The following ZC2HC1C variants were observed in gnomAD, a reference collection of about 807,000 sequenced individuals.
The protein encoded by ZC2HC1C is zinc finger C2HC-type containing 1C, also known as zinc finger C2HC domain-containing protein 1C.
Under a neutral mutation model 39.2 loss-of-function variants are expected in ZC2HC1C, and 25 were observed. The observed-to-expected ratio is 0.64, with a 90% CI of 0.47 to 0.89. ZC2HC1C has a LOEUF of 0.89. Ranked by LOEUF, ZC2HC1C falls within the 40% of genes least tolerant of loss-of-function variation. The probability of loss-of-function intolerance (pLI) is 0.00; values close to 1 mark genes in which losing one functional copy is unlikely to be tolerated. For missense variants in ZC2HC1C, 519 were observed against 548.6 expected, an observed-to-expected ratio of 0.95 and a Z score of 0.54; for synonymous variants, 209 against 214.4, an observed-to-expected ratio of 0.97 and a Z score of 0.22.
chr14:75,077,681 C>G lies in ZC2HC1C; in HGVS notation c.*117C>G. 1.2e-5 allele frequency: 15 copies of G among 1,278,262 alleles called. No individual in the cohort carries two copies. Among genetic ancestry groups the G allele is most frequent in the Non-Finnish European group, 1.6e-5 (14 of 899,476 alleles). 79.2% of individuals were successfully genotyped at this position (1,278,262 alleles called of 1,614,324 possible). On this transcript the variant is annotated 3_prime_UTR_variant, in exon 3 of 3. Coordinates refer to ENST00000524913, the MANE Select transcript of ZC2HC1C (RefSeq NM_024643.4). ...TCCTGCCTGCAGAAAACCCAGACTG[C>G]ATTCAGTGTCCTCAGTGTAGCCACC... is the stretch of plus-strand genomic sequence containing the variant.
chr14:75,078,464 A>G lies in ZC2HC1C; in HGVS notation c.*900A>G, dbSNP rs2139690724. On this transcript the variant is annotated 3_prime_UTR_variant, in exon 3 of 3. Coordinates refer to ENST00000524913, the MANE Select transcript of ZC2HC1C (RefSeq NM_024643.4). Reference sequence around the variant, plus strand: ...ATGGGTGTTGGGGGGGAAACACATTATACTTCTCTCTACTTGTTCTTTTCT... The same window carrying G: ...ATGGGTGTTGGGGGGGAAACACATTGTACTTCTCTCTACTTGTTCTTTTCT... The G allele has an allele frequency of 6.6e-6, 1 of 152,268 alleles. No homozygotes were observed. The highest frequency in any genetic ancestry group is 1.9e-4 in the East Asian group (1 of 5,182). The allele number at this position is 152,268 out of a possible 1,614,324, so 9.4% of individuals were successfully genotyped here.
Position 75,069,695 on chromosome 14 carries a change from G to C in ZC2HC1C, c.-74G>C, listed in dbSNP as rs1028095735. 6.0e-6 allele frequency: 1 copy of C among 167,030 alleles called. No individual in the cohort carries two copies. The highest frequency in any genetic ancestry group is 2.4e-5 in the African/African-American group (1 of 41,930). 10.3% of individuals were successfully genotyped at this position (167,030 alleles called of 1,614,324 possible). A position where few individuals can be genotyped will look rare whatever the true frequency, so the allele number is the denominator to read the frequency against. ...GTCGGTTGATGGGGAGGTCAGGTCT[G>C]GGAAACTAGGCCCTGGGGTTTTCCC... On this transcript the variant is annotated 5_prime_UTR_variant, in exon 1 of 3. Transcript: ENST00000524913.
chr14:75,077,678 C>A lies in ZC2HC1C; in HGVS notation c.*114C>A. ...CCATCCTGCCTGCAGAAAACCCAGA[C>A]TGCATTCAGTGTCCTCAGTGTAGCC... On this transcript the variant is annotated 3_prime_UTR_variant, in exon 3 of 3. Coordinates refer to ENST00000524913, the MANE Select transcript of ZC2HC1C (RefSeq NM_024643.4). 7.4e-7 allele frequency: 1 copy of A among 1,343,236 alleles called. No homozygotes were observed. The highest frequency in any genetic ancestry group is 1.0e-6 in the Non-Finnish European group (1 of 955,612). The allele number at this position is 1,343,236 out of a possible 1,614,324, so 83.2% of individuals were successfully genotyped here. A position where few individuals can be genotyped will look rare whatever the true frequency, so the allele number is the denominator to read the frequency against.
chr14:75,072,375 C>T lies in ZC2HC1C; in HGVS notation c.1338+464C>T, dbSNP rs78453704. Among the ~76,000 whole-genome samples, 66 of 152,372 alleles carry T rather than the reference C, an allele frequency of 4.3e-4. 2 individuals are homozygous for T. In the East Asian group the frequency reaches 0.012, roughly 28 times the overall value. ...CAATGTATTCTGCCACTTCCCAAGA[C>T]TAGGATCTGTGACCATTCCTTTAAC... On this transcript the variant is annotated intron_variant, in intron 2 of 2. Coordinates refer to ENST00000524913, the MANE Select transcript of ZC2HC1C (RefSeq NM_024643.4).
rs1438401262 is a variant in ZC2HC1C, at chr14:75,070,962, A to C, written c.389A>C (p.Lys130Thr). 6.2e-7 allele frequency: 1 copy of C among 1,614,210 alleles called. No individual in the cohort carries two copies. The highest frequency in any genetic ancestry group is 8.5e-7 in the Non-Finnish European group (1 of 1,180,044). The change falls in exon 2 of 3, where the codon AAG becomes ACG. Residue 130 changes from lysine to threonine, a missense_variant. By Grantham distance (78) the Lys-to-Thr change is moderately conservative (BLOSUM62 -1). Transcript: ENST00000524913. ...ANNQDFIPFTKKRVGVDRAFP... is the reference protein window; with the variant it reads ...ANNQDFIPFTTKRVGVDRAFP... ...AACCAGGACTTTATCCCCTTTACAA[A>C]GAAACGAGTTGGAGTGGACCGGGCG... is the stretch of plus-strand genomic sequence containing the variant.
chr14:75,070,919 T>C lies in ZC2HC1C; in HGVS notation c.346T>C (p.Trp116Arg), dbSNP rs1480291221. The C allele has an allele frequency of 5.0e-6, 8 of 1,614,072 alleles. No individual in the cohort carries two copies. The highest frequency in any genetic ancestry group is 1.3e-5 in the African/African-American group (1 of 74,926). Residue 116 changes from tryptophan (W) to arginine (R), a missense_variant, in exon 2 of 3, where the codon TGG becomes CGG. By Grantham distance (101) the Trp-to-Arg change is moderately radical. Coordinates refer to ENST00000524913, the MANE Select transcript of ZC2HC1C (RefSeq NM_024643.4). The part of the protein sequence containing the change: ...GLFYSSGPQS[W>R]YPKANNQDFI... Reference sequence around the variant, plus strand: ...GTTTTACTCGTCAGGCCCTCAATCCTGGTATCCCAAAGCCAATAACCAGGA... The same window carrying C: ...GTTTTACTCGTCAGGCCCTCAATCCCGGTATCCCAAAGCCAATAACCAGGA...
chr14:75,077,454 TCTTA>T (rs1893729211), intron 2 of ZC2HC1C, 74 bp from the exon 3 acceptor site: 2 of 1,575,796 alleles, frequency 1.3e-6, no homozygotes, highest in Admixed American at 3.4e-5. Context: ...CTTTTCATTT[TCTTA>T]CTGTTATTCT....
At chr14:75,076,069 C>CAACAAA (rs1893653279) in intron 2 of ZC2HC1C, among the ~76,000 whole-genome samples, 2 of 151,964 alleles carry the variant, frequency 1.3e-5, no homozygotes, top group South Asian at 4.2e-4. Context: ...ATAACAACAA[C>CAACAAA]AACAAAAACA....
At position 75,070,771 on chromosome 14, in the gene ZC2HC1C, T is replaced by C; in HGVS notation, c.198T>C (p.Asp66=). The change falls in exon 2 of 3, where the codon GAT becomes GAC. Residue 66 remains aspartate (D), a synonymous_variant. Coordinates refer to ENST00000524913, the MANE Select transcript of ZC2HC1C (RefSeq NM_024643.4). ...QLLSNKELIL[D]KVYTHPKWNT... is the part of the protein sequence containing the mutation. ...TGAGCAACAAAGAGTTGATTCTGGA[T>C]AAAGTCTATACTCACCCCAAATGGA... 9 of 1,614,148 alleles carry C rather than the reference T, an allele frequency of 5.6e-6. No homozygotes were observed. The highest frequency in any genetic ancestry group is 7.6e-6 in the Non-Finnish European group (9 of 1,180,022).
In ZC2HC1C at chr14:75,071,814, G is replaced by T; in HGVS notation, c.1241G>T (p.Arg414Leu). 1 of 1,614,144 alleles carries T rather than the reference G, an allele frequency of 6.2e-7. No individual in the cohort carries two copies. Among genetic ancestry groups the T allele is most frequent in the Non-Finnish European group, 8.5e-7 (1 of 1,180,014 alleles). ...ERHSNICSRM[R>L]GSKRKVFDSS... ...CACTCCAACATCTGCAGCAGGATGC[G>T]GGGTTCCAAGAGGAAAGTGTTTGAC... The change falls in exon 2 of 3, where the codon CGG becomes CTG. Residue 414 changes from arginine to leucine, a missense_variant. Arg to Leu is a moderately radical substitution (Grantham distance 102, BLOSUM62 -2). Coordinates refer to ENST00000524913, the MANE Select transcript of ZC2HC1C (RefSeq NM_024643.4).
rs1474922405 is a variant in ZC2HC1C, at chr14:75,071,383, GAGCAGAGTTAAAGGTAATAAA to G, written c.815_835del (p.Arg272_Ser278del). 2 of 1,614,114 alleles carry G rather than the reference GAGCAGAGTTAAAGGTAATAAA, an allele frequency of 1.2e-6. No individual in the cohort carries two copies. The highest frequency in any genetic ancestry group is 2.2e-5 in the South Asian group (2 of 91,068). On this transcript the variant is annotated inframe_deletion, in exon 2 of 3. Coordinates refer to ENST00000524913, the MANE Select transcript of ZC2HC1C (RefSeq NM_024643.4). ...AGCTACAGAAAATTATACTCCCCAG[GAGCAGAGTTAAAGGTAATAAA>G]AGCAACACCATGTACAAACCTATCT...
chr14:75,074,312 T>C (rs755039905), intron 2 of ZC2HC1C, among the ~76,000 whole-genome samples: 1 of 152,228 alleles, frequency 6.6e-6, no homozygotes, highest in Non-Finnish European at 1.5e-5. Context: ...TTTCCTTTGA[T>C]AGTATCTCTT....
chr14:75,074,034 T>C (rs537343721), intron 2 of ZC2HC1C, among the ~76,000 whole-genome samples: 1 of 152,198 alleles, frequency 6.6e-6, no homozygotes, highest in African/African-American at 2.4e-5. Flanking sequence ...CTCAGTCTCC[T>C]GAGTAGCTGG....
chr14:75,077,118 C>T (rs955834601), intron 2 of ZC2HC1C, among the ~76,000 whole-genome samples: 20 of 152,312 alleles, frequency 1.3e-4, no homozygotes, highest in Middle Eastern at 6.8e-3. Context: ...CCCAGTTCCA[C>T]GTGTCTAGAT....
At chr14:75,070,488 T>G in intron 1 of ZC2HC1C, 67 bp from the exon 2 acceptor site, 1 of 1,507,632 alleles carries the variant, frequency 6.6e-7, no homozygotes, top group Non-Finnish European at 8.9e-7. Flanking sequence ...AGAAATAGTT[T>G]GCTTTAGCAG....
rs1212522920 is a variant in ZC2HC1C at position 75,077,690 on chromosome 14, TC to T, written c.*128del. The T allele has an allele frequency of 1.2e-5, 14 of 1,190,076 alleles. No individual in the cohort carries two copies. Among genetic ancestry groups the T allele is most frequent in the Non-Finnish European group, 1.7e-5 (14 of 825,850 alleles). 73.7% of individuals were successfully genotyped at this position (1,190,076 alleles called of 1,614,324 possible). Reference sequence around the variant, plus strand: ...CAGAAAACCCAGACTGCATTCAGTGTCCTCAGTGTAGCCACCACTTTGCTCC... The same window carrying T: ...CAGAAAACCCAGACTGCATTCAGTGTCTCAGTGTAGCCACCACTTTGCTCC... On this transcript the variant is annotated 3_prime_UTR_variant, in exon 3 of 3. Coordinates refer to ENST00000524913, the MANE Select transcript of ZC2HC1C (RefSeq NM_024643.4).
chr14:75,078,536 T>C lies in ZC2HC1C; in HGVS notation c.*972T>C, dbSNP rs141837579. On this transcript the variant is annotated 3_prime_UTR_variant, in exon 3 of 3. Coordinates refer to ENST00000524913, the MANE Select transcript of ZC2HC1C (RefSeq NM_024643.4). ...AAGAAACCTCCATTTTAGCTGTTAG[T>C]AGCACTCTACTTTCAAATCGGTTTG... 6.6e-6 allele frequency: 1 copy of C among 152,300 alleles called. No homozygotes were observed. Among genetic ancestry groups the C allele is most frequent in the African/African-American group, 2.4e-5 (1 of 41,572 alleles). 9.4% of individuals were successfully genotyped at this position (152,300 alleles called of 1,614,324 possible). A position where few individuals can be genotyped will look rare whatever the true frequency, so the allele number is the denominator to read the frequency against.
rs769724017 is a variant in ZC2HC1C, at chr14:75,071,077, T to C, written c.504T>C (p.Pro168=). The C allele has an allele frequency of 2.5e-6, 4 of 1,614,046 alleles. No individual in the cohort carries two copies. In the South Asian group the frequency reaches 4.4e-5, roughly 18 times the overall value. ...DGDHNVYPRP[P]EPREFSSRNF... is the part of the protein sequence containing the mutation. Reference sequence around the variant, plus strand: ...ACCATAATGTCTACCCAAGGCCCCCTGAGCCGAGAGAGTTTTCATCTAGGA... The same window carrying C: ...ACCATAATGTCTACCCAAGGCCCCCCGAGCCGAGAGAGTTTTCATCTAGGA... Residue 168 remains proline, a synonymous_variant, in exon 2 of 3, where the codon CCT becomes CCC. Transcript: ENST00000524913.
chr14:75,073,732 A>C, intron 2 of ZC2HC1C: 1 of 745,274 alleles, frequency 1.3e-6, no homozygotes, highest in Non-Finnish European at 2.0e-6. Context: ...GACAGGGAAC[A>C]TATTTTGTGC....
Sources: allele counts gnomAD v4.1 joint callset (sites outside exome capture counted in the v4.1 genomes callset), GRCh38; gene constraint gnomAD v4.1.1; transcripts MANE v1.5; gene names NCBI Gene and HGNC (gene_info 2026-07-23, HGNC 2026-07-21).